TCF3: variants seen among roughly 807,000 people sequenced by gnomAD.
The protein encoded by TCF3 is transcription factor 3.
A neutral mutation model predicts 72.3 loss-of-function variants in TCF3; 54 were observed. That is an observed-to-expected ratio of 0.75 (90% CI 0.60 to 0.94). The LOEUF is 0.94. Among genes scored for constraint, TCF3 ranks in the 40% least tolerant of loss-of-function variants. The probability of loss-of-function intolerance (pLI) is 0.00; values close to 1 mark genes in which losing one functional copy is unlikely to be tolerated. For missense variants in TCF3, 1,078 were observed against 934.4 expected, an observed-to-expected ratio of 1.15 and a Z score of -2.00; for synonymous variants, 525 against 412.6, an observed-to-expected ratio of 1.27 and a Z score of -3.30.
intron 5 of TCF3, among the ~76,000 whole-genome samples, chr19:1,631,758 C>A (rs1166388471): frequency 1.3e-5 from 2 of 152,214 alleles, no homozygotes; most frequent in African/African-American, 4.8e-5. Context: ...GCAGGAGGAG[C>A]CCTGCAGAAA....
intron 8 of TCF3, 60 bp from the exon 9 acceptor site, chr19:1,622,475 G>A: frequency 2.1e-6 from 2 of 967,442 alleles, no homozygotes; most frequent in Non-Finnish European, 1.5e-6. Context: ...ATCAGCCCAT[G>A]CACCTTGCCG....
chr19:1,619,261 C>G (rs373910267), intron 15 of TCF3, 27 bp from the exon 16 acceptor site: 1 of 1,576,780 alleles, frequency 6.3e-7, no homozygotes, highest in Non-Finnish European at 8.6e-7. Context: ...ACGGGTGCAT[C>G]AGGGGGAGCC....
In TCF3 at chr19:1,615,431, C is replaced by T. The variant is rs2061447798; in HGVS notation, c.1676G>A (p.Arg559Gln). 3 of 1,613,612 alleles carry T rather than the reference C, an allele frequency of 1.9e-6. No homozygotes were observed. Among genetic ancestry groups the T allele is most frequent in the African/African-American group, 2.7e-5 (2 of 74,938 alleles). ...ERRVANNARE[R>Q]LRVRDINEAF... ...CTCGTTGATGTCACGGACCCGCAGC[C>T]GCTCCCGGGCGTTATTGGCCACCCG... Residue 559 changes from arginine to glutamine, a missense_variant, in exon 18 of 19, where the codon CGG becomes CAG. Coordinates refer to ENST00000262965, the MANE Select transcript of TCF3 (RefSeq NM_003200.5). This position sits in a 1 kb window ranked among gnomAD's most constrained non-coding sequence, Gnocchi z 7.3.
chr19:1,617,651 A>G (rs756547481), intron 16 of TCF3, among the ~76,000 whole-genome samples: 59 of 152,224 alleles, frequency 3.9e-4, no homozygotes, highest in Non-Finnish European at 7.5e-4. Context: ...CAATCGGCCA[A>G]CGCCAGCCAC....
chr19:1,641,265 T>A (rs187472882), intron 3 of TCF3, among the ~76,000 whole-genome samples: 1 of 151,096 alleles, frequency 6.6e-6, no homozygotes, highest in East Asian at 1.9e-4. Flanking sequence ...CGTAACAGAA[T>A]AAAAGCTAAT....
chr19:1,646,502 G>C, intron 2 of TCF3, 75 bp from the exon 3 acceptor site: 1 of 1,388,606 alleles, frequency 7.2e-7, no homozygotes, highest in Non-Finnish European at 9.9e-7. Context: ...TCAAACCCAA[G>C]CTGGGAGCAG....
At position 1,632,373 on chromosome 19, in the gene TCF3, C is replaced by T; in HGVS notation, c.178G>A (p.Gly60Ser). Reference sequence around the variant, plus strand: ...GAGGAGCTGCTCTGGTCGCCGCTGCCCCAGGAGCCTGAGCTGGGCCGGTCC... The same window carrying T: ...GAGGAGCTGCTCTGGTCGCCGCTGCTCCAGGAGCCTGAGCTGGGCCGGTCC... ...LEDRPSSGSWGSGDQSSSSFD... is the reference protein window; with the variant it reads ...LEDRPSSGSWSSGDQSSSSFD... Residue 60 changes from glycine to serine, a missense_variant, in exon 4 of 19, where the codon GGC becomes AGC. Physicochemically the swap from Gly to Ser is moderately conservative, Grantham distance 56 (BLOSUM62 0). Coordinates refer to ENST00000262965, the MANE Select transcript of TCF3 (RefSeq NM_003200.5). The T allele has an allele frequency of 6.3e-7, 1 of 1,597,314 alleles. No individual in the cohort carries two copies. Among genetic ancestry groups the T allele is most frequent in the South Asian group, 1.1e-5 (1 of 87,678 alleles).
chr19:1,641,590 T>C (rs996725867), intron 3 of TCF3, among the ~76,000 whole-genome samples: 1 of 152,106 alleles, frequency 6.6e-6, no homozygotes, highest in Non-Finnish European at 1.5e-5. Context: ...GTAGCTGGGA[T>C]GACAGGCACG....
rs377639025 is a variant in TCF3 at position 1,619,097 on chromosome 19, G to C, written c.1450+14C>G. The C allele has an allele frequency of 6.3e-7, 1 of 1,599,046 alleles. No individual in the cohort carries two copies. The highest frequency in any genetic ancestry group is 2.2e-5 in the East Asian group (1 of 44,886). On this transcript the variant is annotated intron_variant, in intron 16 of 18. Transcript: ENST00000262965. The stretch of plus-strand genomic sequence containing the variant: ...GGAACCAGGAGTCGGACAGTCCCAA[G>C]CTCAAGGGCTTACCACTGTAGGAGT...
At chr19:1,621,337 T>G in intron 11 of TCF3, 146 bp from the exon 12 acceptor site, 4 of 1,008,200 alleles carry the variant, frequency 4.0e-6, no homozygotes, top group Non-Finnish European at 5.7e-6. Flanking sequence ...TCTGACCCCC[T>G]GAAACCAGCC....
chr19:1,616,811 G>A (rs985731434), intron 16 of TCF3, among the ~76,000 whole-genome samples: 1 of 152,022 alleles, frequency 6.6e-6, no homozygotes, highest in African/African-American at 2.4e-5. Flanking sequence ...TCAGTAAGCT[G>A]GACTATATCA....
chr19:1,633,079 ACCTTGGTC>A (rs1336929824), intron 3 of TCF3, among the ~76,000 whole-genome samples: 1 of 133,332 alleles, frequency 7.5e-6, no homozygotes, highest in Non-Finnish European at 1.6e-5. Context: ...CGGGACGAGG[ACCTTGGTC>A]CCGGGGCGGG....
At chr19:1,646,315 T>C in intron 3 of TCF3, 40 bp downstream of exon 3, 1 of 1,542,458 alleles carries the variant, frequency 6.5e-7, no homozygotes, top group Non-Finnish European at 8.8e-7. Flanking sequence ...ACCCTTGATC[T>C]CCTCACTCCA....
intron 3 of TCF3, among the ~76,000 whole-genome samples, chr19:1,633,103 C>T (rs1011201775): frequency 7.4e-6 from 1 of 135,782 alleles, no homozygotes; most frequent in South Asian, 2.6e-4. Flanking sequence ...GCGGGGCGGG[C>T]GGGGCCCTTA....
chr19:1,611,989 ACCT>A (rs1294972002), intron 18 of TCF3, 140 bp from the exon 19 acceptor site: 40 of 733,878 alleles, frequency 5.5e-5, no homozygotes, highest in Non-Finnish European at 8.1e-5. Context: ...TCCGGCTCTC[ACCT>A]CCTTCCTTGA....
At chr19:1,627,543 C>A (rs2063043016) in intron 5 of TCF3, 117 bp from the exon 6 acceptor site, 2 of 904,758 alleles carry the variant, frequency 2.2e-6, no homozygotes, top group Non-Finnish European at 3.5e-6. Context: ...ACTGAGAGCG[C>A]CACGGCAGGA....
chr19:1,646,481 C>A, intron 2 of TCF3, 54 bp from the exon 3 acceptor site: 3 of 1,506,894 alleles, frequency 2.0e-6, no homozygotes, highest in Non-Finnish European at 2.7e-6. Flanking sequence ...CCAAACCCTA[C>A]AGTCCCGGGT....
Position 1,622,419 on chromosome 19 carries a change from C to CCCGGGG in TCF3, c.550-5_550-4insCCCCGG. 2 of 459,696 alleles carry CCCGGGG rather than the reference C, an allele frequency of 4.4e-6. No homozygotes were observed. The highest frequency in any genetic ancestry group is 3.7e-6 in the Non-Finnish European group (1 of 267,668). 28.5% of individuals were successfully genotyped at this position (459,696 alleles called of 1,614,324 possible). On this transcript the variant is annotated splice_region_variant and splice_polypyrimidine_tract_variant and intron_variant, in intron 8 of 18. Coordinates refer to ENST00000262965, the MANE Select transcript of TCF3 (RefSeq NM_003200.5). ...CACCTGAGCTGGGTGGGTACACCTG[C>CCCGGGG]GGGCGGGTGGGCGGTGGGGGGTGCA...
At position 1,650,217 on chromosome 19, in the gene TCF3, C is replaced by G; in HGVS notation, c.32G>C (p.Gly11Ala). Residue 11 changes from glycine to alanine, a missense_variant, in exon 2 of 19, where the codon GGC (glycine) becomes GCC (alanine). Physicochemically the swap from Gly to Ala is moderately conservative, Grantham distance 60. Transcript: ENST00000262965. ...GAGGTCACTGAGCTCCTTGTCTGTG[C>G]CCACAGGCGCCATCCTCTGCGGCTG... is the stretch of plus-strand genomic sequence containing the variant. The part of the protein sequence containing the change: MNQPQRMAPV[G>A]TDKELSDLLD... 8 of 1,572,196 alleles carry G rather than the reference C, an allele frequency of 5.1e-6. No individual in the cohort carries two copies. Among genetic ancestry groups the G allele is most frequent in the Non-Finnish European group, 6.9e-6 (8 of 1,160,150 alleles).
Sources: allele counts gnomAD v4.1 joint callset (sites outside exome capture counted in the v4.1 genomes callset), GRCh38; gene constraint gnomAD v4.1.1; non-coding constraint Gnocchi (gnomAD v3.1); transcripts MANE v1.5; gene names NCBI Gene and HGNC (gene_info 2026-07-23, HGNC 2026-07-21).